ATAD2: variants seen among roughly 807,000 people sequenced by gnomAD.
ATAD2 encodes the protein ATPase family AAA domain containing 2.
Under a neutral mutation model 168.9 loss-of-function variants are expected in ATAD2, and 62 were observed. That is an observed-to-expected ratio of 0.37 (90% confidence interval 0.30 to 0.45). ATAD2 has a LOEUF of 0.45. Ranked by LOEUF, ATAD2 falls within the 20% of genes least tolerant of loss-of-function variation. The pLI, the probability that ATAD2 is intolerant of heterozygous loss-of-function variation, is 1.00. For synonymous variants in ATAD2, 613 were observed against 571.6 expected, an observed-to-expected ratio of 1.07 and a Z score of -1.03; for missense variants, 1,419 against 1,667.8, an observed-to-expected ratio of 0.85 and a Z score of 2.60.
intron 1 of ATAD2, among the ~76,000 whole-genome samples, chr8:123,395,862 G>C (rs77070778): frequency 0.062 from 9,451 of 152,194 alleles, 395 homozygotes; most frequent in Middle Eastern, 0.13. Context: ...GCGATCGATC[G>C]GCCAGGGAGT....
chr8:123,401,745 C>T (rs1813006291), intron 1 of ATAD2: 13 of 746,072 alleles, frequency 1.7e-5, no homozygotes, highest in South Asian at 1.7e-4. Context: ...CTGGCTGCCA[C>T]CTCGGAGGCC....
intron 13 of ATAD2, among the ~76,000 whole-genome samples, chr8:123,350,399 TAAGTA>T (rs1311900813): frequency 1.3e-5 from 2 of 152,210 alleles, no homozygotes; most frequent in African/African-American, 2.4e-5. Flanking sequence ...ATCATCATCC[TAAGTA>T]AATGACTAAT....
intron 1 of ATAD2, among the ~76,000 whole-genome samples, chr8:123,392,942 T>G (rs1274936170): frequency 6.6e-6 from 1 of 152,158 alleles, no homozygotes; most frequent in Admixed American, 6.5e-5. Flanking sequence ...CCCAGCACTT[T>G]GGGAGGCCGA....
At chr8:123,354,113 G>A (rs1222518417) in intron 13 of ATAD2, among the ~76,000 whole-genome samples, 3 of 152,052 alleles carry the variant, frequency 2.0e-5, no homozygotes, top group Non-Finnish European at 4.4e-5. Context: ...CAGCCTGGGC[G>A]ACAGAGCAAG....
intron 8 of ATAD2, among the ~76,000 whole-genome samples, 194 bp from the exon 9 acceptor site, chr8:123,361,840 G>A (rs1201442979): frequency 6.6e-6 from 1 of 152,048 alleles, no homozygotes; most frequent in South Asian, 2.1e-4. Context: ...GAGAGGAAAG[G>A]AAAAAAGACT....
intron 25 of ATAD2, among the ~76,000 whole-genome samples, chr8:123,327,483 A>G (rs1342930249): frequency 1.3e-5 from 2 of 152,166 alleles, no homozygotes; most frequent in African/African-American, 4.8e-5. Flanking sequence ...AGCCCTTGCA[A>G]AAGGCTTGCA....
chr8:123,339,830 GA>G (rs1434254217), intron 19 of ATAD2, among the ~76,000 whole-genome samples: 2 of 151,926 alleles, frequency 1.3e-5, no homozygotes, highest in Non-Finnish European at 2.9e-5. Context: ...AAAATCATGA[GA>G]ACTCAAGAAC....
chr8:123,375,861 C>A (rs1435385509), intron 2 of ATAD2, among the ~76,000 whole-genome samples: 1 of 152,020 alleles, frequency 6.6e-6, no homozygotes, highest in East Asian at 1.9e-4. Flanking sequence ...GTAATCCCAG[C>A]ACTTTGGGGG....
At chr8:123,382,198 C>T (rs1563861279) in intron 1 of ATAD2, among the ~76,000 whole-genome samples, 3 of 152,198 alleles carry the variant, frequency 2.0e-5, no homozygotes, top group Non-Finnish European at 2.9e-5. Flanking sequence ...GTCCTTGGAT[C>T]ACATCCCAGG....
At chr8:123,380,046 C>G (rs185603514) in intron 2 of ATAD2, among the ~76,000 whole-genome samples, 9 of 151,938 alleles carry the variant, frequency 5.9e-5, no homozygotes, top group Non-Finnish European at 1.2e-4. Context: ...GCCACCATGC[C>G]CAGCTAATTT....
chr8:123,361,522 A>G lies in ATAD2; in HGVS notation c.1157+17T>C. On this transcript the variant is annotated intron_variant, in intron 9 of 27. Transcript: ENST00000287394. ...AATGTGTCTGCTAGTTTAAAAAGGC[A>G]TCAATATGGCACTTACCTATTGATA... The G allele has an allele frequency of 6.3e-7, 1 of 1,581,916 alleles. No individual in the cohort carries two copies. Among genetic ancestry groups the G allele is most frequent in the Non-Finnish European group, 8.7e-7 (1 of 1,153,012 alleles).
At chr8:123,343,216 T>A (rs530278402) in intron 19 of ATAD2, among the ~76,000 whole-genome samples, 44 of 152,138 alleles carry the variant, frequency 2.9e-4, no homozygotes, top group African/African-American at 8.2e-4. Flanking sequence ...TCTCAGGTGA[T>A]TCGCCCACCC....
chr8:123,334,257 GTTC>G lies in ATAD2; in HGVS notation c.3274_3276del (p.Glu1092del). ...CAGAGCTGCTCAAAGTCTTCATCAA[GTTC>G]TTCTTTAATTATGGCATAGGCAGTA... On this transcript the variant is annotated inframe_deletion, in exon 23 of 28. Coordinates refer to ENST00000287394, the MANE Select transcript of ATAD2 (RefSeq NM_014109.4). 6.2e-7 allele frequency: 1 copy of G among 1,603,594 alleles called. No individual in the cohort carries two copies. Among genetic ancestry groups the G allele is most frequent in the Non-Finnish European group, 8.5e-7 (1 of 1,177,424 alleles).
Position 123,344,924 on chromosome 8 carries a change from A to G in ATAD2, c.2678T>C (p.Leu893Pro), listed in dbSNP as rs935252273. 3.7e-6 allele frequency: 6 copies of G among 1,614,040 alleles called. No individual in the cohort carries two copies. The highest frequency in any genetic ancestry group is 5.1e-6 in the Non-Finnish European group (6 of 1,179,996). The change falls in exon 19 of 28, where the codon CTT becomes CCT. Residue 893 changes from leucine to proline, a missense_variant. By Grantham distance (98) the Leu-to-Pro change is moderately conservative. Coordinates refer to ENST00000287394, the MANE Select transcript of ATAD2 (RefSeq NM_014109.4). The part of the protein sequence containing the change: ...NIPSFAPVLL[L>P]ATSDKPHSAL... ...GGAATGGGGTTTGTCAGAAGTTGCA[A>G]GTAGTAAAACTGGAGCAAATGAAGG... is the stretch of plus-strand genomic sequence containing the variant.
chr8:123,378,580 T>C (rs533843035), intron 2 of ATAD2, among the ~76,000 whole-genome samples: 7 of 150,782 alleles, frequency 4.6e-5, no homozygotes, highest in African/African-American at 1.7e-4. Context: ...TGCGTGCCTG[T>C]AATCCCAGTT....
intron 1 of ATAD2, among the ~76,000 whole-genome samples, chr8:123,391,313 A>T (rs921012058): frequency 4.6e-5 from 7 of 151,936 alleles, no homozygotes; most frequent in African/African-American, 1.7e-4. Context: ...CCACCACAAT[A>T]TTCAGGGAAC....
chr8:123,329,774 A>T (rs7814580), intron 24 of ATAD2, among the ~76,000 whole-genome samples: 1,352 of 7,936 alleles, frequency 0.17, 85 homozygotes, highest in East Asian at 0.24. Flanking sequence ...AAAAAAAAAA[A>T]ATTTTTCACT....
At chr8:123,349,511 T>A in intron 13 of ATAD2, 67 bp from the exon 14 acceptor site, 1 of 1,464,364 alleles carries the variant, frequency 6.8e-7, no homozygotes, top group East Asian at 2.3e-5. Context: ...TCAGTAATAT[T>A]TCTTCTTTTG....
chr8:123,362,127 C>T (rs1828844456), intron 8 of ATAD2, among the ~76,000 whole-genome samples: 1 of 151,904 alleles, frequency 6.6e-6, no homozygotes, highest in Non-Finnish European at 1.5e-5. Flanking sequence ...TTGGTCTCTA[C>T]TAAAAATCAA....
Sources: allele counts gnomAD v4.1 joint callset (sites outside exome capture counted in the v4.1 genomes callset), GRCh38; gene constraint gnomAD v4.1.1; transcripts MANE v1.5; gene names NCBI Gene and HGNC (gene_info 2026-07-23, HGNC 2026-07-21).